MGAT4C: variants seen among roughly 807,000 people sequenced by gnomAD.
MGAT4C encodes alpha-1,3-mannosyl-glycoprotein 4-beta-N-acetylglucosaminyltransferase C.
A neutral mutation model predicts 40.1 loss-of-function variants in MGAT4C; 19 were observed. That is an observed-to-expected ratio of 0.47 (90% CI 0.33 to 0.70). The LOEUF (loss-of-function observed/expected upper bound fraction) is 0.70, where lower values mean the gene tolerates loss of function less well. Ranked by LOEUF, MGAT4C falls within the 30% of genes least tolerant of loss-of-function variation. The pLI is 0.02. For missense variants in MGAT4C, 491 were observed against 563.2 expected, an observed-to-expected ratio of 0.87 and a Z score of 1.30; for synonymous variants, 181 against 187.1, an observed-to-expected ratio of 0.97 and a Z score of 0.27.
In MGAT4C at chr12:86,329,436, T is replaced by TA. The variant is rs1954607216; in HGVS notation, c.-57+4628dup. On this transcript the variant is annotated intron_variant, in intron 4 of 7. Transcript: ENST00000548651. ...CTGATCTACTTTAATATGTAACTTTTATCCATAGCAGCTGTCAAACATAAT... is the reference window on the plus strand; with the variant it reads ...CTGATCTACTTTAATATGTAACTTTTAATCCATAGCAGCTGTCAAACATAAT... Among the ~76,000 whole-genome samples the TA allele has an allele frequency of 2.0e-5, 3 of 152,258 alleles. No individual in the cohort carries two copies. The South Asian group carries it at 6.2e-4, about 32-fold the overall frequency.
intron 3 of MGAT4C, among the ~76,000 whole-genome samples, chr12:86,418,741 A>G (rs1956767661): frequency 6.6e-6 from 1 of 152,134 alleles, no homozygotes; most frequent in South Asian, 2.1e-4. Flanking sequence ...TACAAGGAGT[A>G]CCAATAAGGA....
chr12:86,727,269 TTAATAAA>T (rs1950837232), intron 1 of MGAT4C: 1 of 152,080 alleles, frequency 6.6e-6, no homozygotes, highest in Non-Finnish European at 1.5e-5. Flanking sequence ...GCCAGAAGGA[TTAATAAA>T]TCATATTGCT....
intron 2 of MGAT4C, among the ~76,000 whole-genome samples, chr12:86,538,297 T>C (rs1304359048): frequency 6.6e-6 from 1 of 152,106 alleles, no homozygotes; most frequent in South Asian, 2.1e-4. Flanking sequence ...AGGAGAAACA[T>C]AAGCATTTTG....
intron 1 of MGAT4C, among the ~76,000 whole-genome samples, chr12:86,186,682 C>A (rs1382748368): frequency 6.6e-6 from 1 of 152,118 alleles, no homozygotes; most frequent in Non-Finnish European, 1.5e-5. Context: ...ATGCCTAGGT[C>A]TTGCCTAAAA....
intron 4 of MGAT4C, among the ~76,000 whole-genome samples, chr12:86,282,380 T>C (rs1011628492): frequency 6.6e-6 from 1 of 152,116 alleles, no homozygotes; most frequent in African/African-American, 2.4e-5. Flanking sequence ...GCCTTCTTTT[T>C]GGTTTTGAAT....
intron 2 of MGAT4C, among the ~76,000 whole-genome samples, chr12:86,697,929 G>C (rs1950286050): frequency 1.3e-5 from 2 of 151,952 alleles, no homozygotes; most frequent in Admixed American, 6.6e-5. Context: ...ATCACAAATA[G>C]ATCTGCTTCA....
rs757107166 is a variant in MGAT4C at position 85,956,337 on chromosome 12, G to GA, written c.*22951dup. 7.2e-5 allele frequency: 11 copies of GA among 152,102 alleles called. No individual in the cohort carries two copies. The highest frequency in any genetic ancestry group is 2.1e-4 in the South Asian group (1 of 4,826). 9.4% of individuals were successfully genotyped at this position (152,102 alleles called of 1,614,324 possible). A position where few individuals can be genotyped will look rare whatever the true frequency, so the allele number is the denominator to read the frequency against. On this transcript the variant is annotated 3_prime_UTR_variant, in exon 5 of 5. Coordinates refer to ENST00000611864, the MANE Select transcript of MGAT4C (RefSeq NM_001351288.2). ...GATTTATTTATTACTTGGTTTTGTTGAAAAAACTAGGTGACTCATTTATGC... is the reference window on the plus strand; with the variant it reads ...GATTTATTTATTACTTGGTTTTGTTGAAAAAAACTAGGTGACTCATTTATGC...
intron 1 of MGAT4C, among the ~76,000 whole-genome samples, chr12:86,829,371 C>T (rs527393722): frequency 4.6e-5 from 7 of 151,576 alleles, no homozygotes; most frequent in South Asian, 2.1e-4. Context: ...CCTAAACAAC[C>T]ATTAGGCTTT....
chr12:86,025,549 AT>A (rs1890167418), intron 2 of MGAT4C, among the ~76,000 whole-genome samples: 1 of 151,844 alleles, frequency 6.6e-6, no homozygotes, highest in Non-Finnish European at 1.5e-5. Flanking sequence ...ATAAAACAAT[AT>A]TTTTTATATG....
At chr12:86,438,508 G>A (rs528140824) in intron 2 of MGAT4C, among the ~76,000 whole-genome samples, 6 of 151,900 alleles carry the variant, frequency 3.9e-5, no homozygotes, top group African/African-American at 7.2e-5. Context: ...ACAAATTTTC[G>A]ATAATGAAAC....
At chr12:86,389,109 C>T (rs1956117719) in intron 3 of MGAT4C, among the ~76,000 whole-genome samples, 1 of 152,098 alleles carries the variant, frequency 6.6e-6, no homozygotes, top group Non-Finnish European at 1.5e-5. Context: ...AAACTTGTCA[C>T]AGGGGTTTGT....
intron 1 of MGAT4C, among the ~76,000 whole-genome samples, chr12:86,126,742 G>T (rs1397684497): frequency 1.3e-5 from 2 of 152,160 alleles, no homozygotes; most frequent in Non-Finnish European, 2.9e-5. Flanking sequence ...CTGAGAAAAT[G>T]CATTGTTAGG....
chr12:86,814,763 C>T (rs945326412), intron 1 of MGAT4C, among the ~76,000 whole-genome samples: 5 of 151,890 alleles, frequency 3.3e-5, no homozygotes, highest in Non-Finnish European at 5.9e-5. Flanking sequence ...ATAAAAGAGG[C>T]CCCAGAGAGC....
chr12:86,191,833 T>C (rs1889533532), intron 1 of MGAT4C, among the ~76,000 whole-genome samples: 1 of 141,884 alleles, frequency 7.0e-6, no homozygotes, highest in Admixed American at 7.1e-5. Flanking sequence ...AGCAATGACT[T>C]GGAACCAACC....
chr12:86,022,952 G>A (rs891341340), intron 2 of MGAT4C, among the ~76,000 whole-genome samples: 1 of 152,090 alleles, frequency 6.6e-6, no homozygotes, highest in Non-Finnish European at 1.5e-5. Flanking sequence ...GGAAAGACCC[G>A]AGGGTAAGAG....
intron 1 of MGAT4C, among the ~76,000 whole-genome samples, chr12:86,795,709 T>G (rs1041058213): frequency 6.6e-6 from 1 of 151,900 alleles, no homozygotes; most frequent in Non-Finnish European, 1.5e-5. Context: ...CAATTATTGC[T>G]TGATATAAAC....
intron 2 of MGAT4C, chr12:86,028,076 T>C: frequency 1.6e-6 from 2 of 1,228,536 alleles, no homozygotes; most frequent in South Asian, 1.3e-5. Flanking sequence ...TGTTAAATCT[T>C]CCATCAACTA....
At chr12:86,020,271 GT>G (rs1170273554) in intron 2 of MGAT4C, among the ~76,000 whole-genome samples, 1 of 152,104 alleles carries the variant, frequency 6.6e-6, no homozygotes, top group Non-Finnish European at 1.5e-5. Flanking sequence ...TCTTGTGCCA[GT>G]TTTCAAAGAG....
intron 4 of MGAT4C, among the ~76,000 whole-genome samples, chr12:86,282,663 T>C (rs2136119720): frequency 6.6e-6 from 1 of 152,236 alleles, no homozygotes; most frequent in Non-Finnish European, 1.5e-5. Flanking sequence ...TCTAATTAAC[T>C]GTGCTCCTTT....
Sources: gnomAD v4.1 joint callset for allele counts (sites outside exome capture counted in the v4.1 genomes callset) on GRCh38, gnomAD v4.1.1 for gene constraint, MANE v1.5 for transcripts, NCBI Gene and HGNC (gene_info 2026-07-23, HGNC 2026-07-21) for gene names.